The following RCAN2 variants were observed in gnomAD, a reference collection of about 807,000 sequenced individuals.
RCAN2 encodes regulator of calcineurin 2, also known as calcipressin-2.
Under a neutral mutation model 23.6 loss-of-function variants are expected in RCAN2, and 9 were observed. The observed-to-expected ratio is 0.38, with a 90% CI of 0.23 to 0.67. RCAN2 has a LOEUF of 0.67. RCAN2 is among the 30% of genes least tolerant of loss of function. The pLI is 0.51. For synonymous variants in RCAN2, 109 were observed against 115.7 expected (o/e 0.94, Z 0.37); for missense variants, 273 against 302.3 (o/e 0.90, Z 0.72).
chr6:46,247,611 T>C (rs1317794256), intron 3 of RCAN2, among the ~76,000 whole-genome samples: 1 of 152,230 alleles, frequency 6.6e-6, no homozygotes, highest in Non-Finnish European at 1.5e-5. Flanking sequence ...TATGTGACCT[T>C]TTGTGTCTGG....
chr6:46,465,810 G>A (rs1206762558), intron 1 of RCAN2, among the ~76,000 whole-genome samples: 2 of 152,168 alleles, frequency 1.3e-5, no homozygotes, highest in Admixed American at 6.5e-5. Flanking sequence ...AGACTCTCTG[G>A]GATCAAGTAA....
intron 1 of RCAN2, among the ~76,000 whole-genome samples, chr6:46,489,502 T>G (rs541626001): frequency 6.6e-6 from 1 of 152,338 alleles, no homozygotes; most frequent in South Asian, 2.1e-4. Flanking sequence ...ATTGTCAATG[T>G]TAGTCTCAAT....
At chr6:46,244,561 A>T (rs769269726) in intron 4 of RCAN2, among the ~76,000 whole-genome samples, 1 of 152,212 alleles carries the variant, frequency 6.6e-6, no homozygotes, top group Non-Finnish European at 1.5e-5. Context: ...GATAAAAATG[A>T]TTTGAATTTT....
At chr6:46,359,999 C>T (rs1016619428) in intron 2 of RCAN2, among the ~76,000 whole-genome samples, 3 of 152,152 alleles carry the variant, frequency 2.0e-5, no homozygotes, top group Non-Finnish European at 4.4e-5. Flanking sequence ...GACACAAATC[C>T]TGTCTTTTTG....
At chr6:46,226,776 T>A (rs1425260384) in intron 4 of RCAN2, among the ~76,000 whole-genome samples, 1 of 152,224 alleles carries the variant, frequency 6.6e-6, no homozygotes, top group Non-Finnish European at 1.5e-5. Flanking sequence ...ATACCCTTTA[T>A]TTCTTTCTCC....
At chr6:46,408,475 A>T (rs1766468259) in intron 2 of RCAN2, among the ~76,000 whole-genome samples, 1 of 152,194 alleles carries the variant, frequency 6.6e-6, no homozygotes. Context: ...CTTCACATAT[A>T]GAAGATTCTC....
chr6:46,279,814 C>T (rs1767841528), intron 2 of RCAN2, among the ~76,000 whole-genome samples: 1 of 152,152 alleles, frequency 6.6e-6, no homozygotes, highest in Non-Finnish European at 1.5e-5. Context: ...ATAAGAACAG[C>T]TCCTTCATAG....
intron 2 of RCAN2, among the ~76,000 whole-genome samples, chr6:46,403,027 C>T (rs947148805): frequency 1.5e-4 from 23 of 151,550 alleles, no homozygotes; most frequent in Non-Finnish European, 1.9e-4. Flanking sequence ...TGCAGTAGCG[C>T]GATCTTGGCT....
chr6:46,331,463 A>G (rs551933785), intron 2 of RCAN2, among the ~76,000 whole-genome samples: 28 of 152,254 alleles, frequency 1.8e-4, no homozygotes, highest in Non-Finnish European at 3.5e-4. Context: ...ATTGAGGTTT[A>G]ATCTTATTAA....
At chr6:46,294,506 A>C (rs1461010388) in intron 2 of RCAN2, among the ~76,000 whole-genome samples, 1 of 152,184 alleles carries the variant, frequency 6.6e-6, no homozygotes, top group African/African-American at 2.4e-5. Context: ...TAAAGATTTA[A>C]GCACAATTTT....
chr6:46,390,406 G>T (rs1765899151), intron 2 of RCAN2, among the ~76,000 whole-genome samples: 1 of 152,190 alleles, frequency 6.6e-6, no homozygotes, highest in East Asian at 1.9e-4. Flanking sequence ...CTTTCATACA[G>T]ATCCAAAACC....
At chr6:46,227,295 G>C (rs906449081) in intron 4 of RCAN2, among the ~76,000 whole-genome samples, 4 of 152,198 alleles carry the variant, frequency 2.6e-5, no homozygotes, top group African/African-American at 9.6e-5. Context: ...GATGATGCTG[G>C]CCTCATAAAA....
chr6:46,363,491 G>A (rs966295720), intron 2 of RCAN2, among the ~76,000 whole-genome samples: 2 of 151,990 alleles, frequency 1.3e-5, no homozygotes, highest in Non-Finnish European at 2.9e-5. Flanking sequence ...AAGAAACTAG[G>A]GTAGTAAATA....
chr6:46,394,115 T>C (rs1766016577), intron 2 of RCAN2, among the ~76,000 whole-genome samples: 1 of 152,170 alleles, frequency 6.6e-6, no homozygotes, highest in African/African-American at 2.4e-5. Flanking sequence ...TACCCAGCAG[T>C]GTCTACTCAA....
chr6:46,346,321 C>T (rs1229780154), intron 2 of RCAN2, among the ~76,000 whole-genome samples: 4 of 151,980 alleles, frequency 2.6e-5, no homozygotes, highest in Non-Finnish European at 4.4e-5. Context: ...ATTTTATAGA[C>T]TCAGGAAACA....
chr6:46,368,461 T>C (rs936924539), intron 2 of RCAN2, among the ~76,000 whole-genome samples: 1 of 152,168 alleles, frequency 6.6e-6, no homozygotes, highest in African/African-American at 2.4e-5. Flanking sequence ...TGACAGGGTA[T>C]GTCCTGAGAA....
At chr6:46,372,426 A>G (rs1357659563) in intron 2 of RCAN2, among the ~76,000 whole-genome samples, 4 of 152,202 alleles carry the variant, frequency 2.6e-5, no homozygotes, top group Non-Finnish European at 5.9e-5. Context: ...CTGTAAACAC[A>G]AGCATGTCGC....
chr6:46,372,283 T>C (rs918638633), intron 2 of RCAN2, among the ~76,000 whole-genome samples: 3 of 152,362 alleles, frequency 2.0e-5, no homozygotes, highest in Non-Finnish European at 4.4e-5. Context: ...TACTAGGTTC[T>C]GTGTTACACA....
chr6:46,340,196 GAC>G (rs1478936086), intron 2 of RCAN2, among the ~76,000 whole-genome samples: 1 of 152,102 alleles, frequency 6.6e-6, no homozygotes, highest in African/African-American at 2.4e-5. Context: ...CTACTACCAA[GAC>G]AGTCTTCGGT....
Sources: gnomAD v4.1 joint callset for allele counts (sites outside exome capture counted in the v4.1 genomes callset) on GRCh38, gnomAD v4.1.1 for gene constraint, MANE v1.5 for transcripts, NCBI Gene and HGNC (gene_info 2026-07-23, HGNC 2026-07-21) for gene names.